Variants in STARD7 observed in about 807,000 individuals in gnomAD.
STARD7 encodes the protein stAR-related lipid transfer protein 7, mitochondrial.
In STARD7, 30 loss-of-function variants were observed where a neutral mutation model predicts 45.3. The observed-to-expected ratio is 0.66, with a 90% confidence interval of 0.50 to 0.90. The LOEUF is 0.90. Ranked by LOEUF, STARD7 falls within the 40% of genes least tolerant of loss-of-function variation. STARD7 has a pLI of 0.00. For missense variants in STARD7, 495 were observed against 491.3 expected (o/e 1.01, Z -0.07); for synonymous variants, 199 against 183.0 (o/e 1.09, Z -0.70).
At chr2:96,192,579 C>T in intron 5 of STARD7, 111 bp from the exon 6 acceptor site, 1 of 798,228 alleles carries the variant, frequency 1.3e-6, no homozygotes. Context: ...TTTTTAAATA[C>T]ACAAAACAAA....
At chr2:96,206,903 ATTCTT>A (rs947776745) in intron 1 of STARD7, among the ~76,000 whole-genome samples, 1 of 151,788 alleles carries the variant, frequency 6.6e-6, no homozygotes, top group African/African-American at 2.4e-5. Context: ...TTTTCTTCCT[ATTCTT>A]TTATTTCCCA....
intron 1 of STARD7, among the ~76,000 whole-genome samples, chr2:96,204,486 C>A (rs559763515): frequency 1.3e-5 from 2 of 151,388 alleles, no homozygotes; most frequent in African/African-American, 2.4e-5. Flanking sequence ...ACCTGGGAGG[C>A]GGAGGTTGCA....
Position 96,199,438 on chromosome 2 carries a change from A to T in STARD7, c.291-3889T>A, listed in dbSNP as rs1265184629. Among the ~76,000 whole-genome samples the T allele has an allele frequency of 3.3e-5, 5 of 152,352 alleles. No individual in the cohort carries two copies. In the East Asian group the frequency reaches 9.6e-4, roughly 29 times the overall value. ...GTATTTATTCCTTTTATGCTACTGT[A>T]AATGAAATTGTTAATTTTATTTTCA... On this transcript the variant is annotated intron_variant, in intron 1 of 7. Transcript: ENST00000337288.
At chr2:96,187,370 T>C (rs977089541) in intron 6 of STARD7, 69 bp from the exon 7 acceptor site, 32 of 946,844 alleles carry the variant, frequency 3.4e-5, no homozygotes, top group Middle Eastern at 2.1e-4. Flanking sequence ...TCCAGTACCA[T>C]AGAATAACTA....
Position 96,186,825 on chromosome 2 carries a change from G to A in STARD7, c.1018C>T (p.Pro340Ser). 1 of 1,613,966 alleles carries A rather than the reference G, an allele frequency of 6.2e-7. No homozygotes were observed. The highest frequency in any genetic ancestry group is 8.5e-7 in the Non-Finnish European group (1 of 1,179,854). Residue 340 changes from proline to serine, a missense_variant, in exon 8 of 8, where the codon CCT becomes TCT. This residue lies in a region of STARD7 where 213 missense variants were observed against 271.2 expected (regional missense o/e 0.79). Coordinates refer to ENST00000337288, the MANE Select transcript of STARD7 (RefSeq NM_020151.4). The part of the protein sequence containing the change: ...IKVKDYISAK[P>S]LEMSSEAKAT... ...TTGGCTTCACTACTCATTTCCAGAGGCTTAGCTGAGATGTAGTCCTTTACT... is the reference window on the plus strand; with the variant it reads ...TTGGCTTCACTACTCATTTCCAGAGACTTAGCTGAGATGTAGTCCTTTACT...
chr2:96,185,589 AC>A lies in STARD7; in HGVS notation c.*1140del, dbSNP rs1683023016. ...TTTGGCTCTGAAGAGAGGAAGAAAA[AC>A]TTTTTAGAGGAACTTAATGGTAACA... On this transcript the variant is annotated 3_prime_UTR_variant, in exon 8 of 8. Coordinates refer to ENST00000337288, the MANE Select transcript of STARD7 (RefSeq NM_020151.4). 2 of 152,282 alleles carry A rather than the reference AC, an allele frequency of 1.3e-5. No homozygotes were observed. The highest frequency in any genetic ancestry group is 1.3e-4 in the Admixed American group (2 of 15,296). 9.4% of individuals were successfully genotyped at this position (152,282 alleles called of 1,614,324 possible). A position where few individuals can be genotyped will look rare whatever the true frequency, so the allele number is the denominator to read the frequency against.
At chr2:96,187,158 T>G in intron 7 of STARD7, 59 bp downstream of exon 7, 1 of 1,266,214 alleles carries the variant, frequency 7.9e-7, no homozygotes, top group Non-Finnish European at 1.1e-6. Context: ...CATTAGGAAA[T>G]AGAGAAAAAC....
At chr2:96,208,114 C>T (rs750360432) in intron 1 of STARD7, 31 bp downstream of exon 1, 1 of 1,503,398 alleles carries the variant, frequency 6.7e-7, no homozygotes, top group East Asian at 2.5e-5. Flanking sequence ...CCCCACCCCA[C>T]GGCCCAGAAA....
chr2:96,201,572 G>GT lies in STARD7; in HGVS notation c.291-6024dup, dbSNP rs144991518. ...CACTGCACTCCAGCCTGGCAACAGA[G>GT]TAAGACTCTTAAAAAAAAAAAAAAA... On this transcript the variant is annotated intron_variant, in intron 1 of 7. Coordinates refer to ENST00000337288, the MANE Select transcript of STARD7 (RefSeq NM_020151.4). 6.6e-3 allele frequency among the ~76,000 whole-genome samples: 975 copies of GT among 148,574 alleles called. 13 individuals are homozygous for GT. Among genetic ancestry groups the GT allele is most frequent in the African/African-American group, 0.023 (926 of 40,314 alleles).
intron 1 of STARD7, among the ~76,000 whole-genome samples, chr2:96,197,084 A>ATAACATAAC (rs1558735823): frequency 2.2e-5 from 3 of 138,396 alleles, no homozygotes; most frequent in East Asian, 4.4e-4. Context: ...AATAAAATAA[A>ATAACATAAC]ATAAAATAAA....
At chr2:96,195,573 G>A (rs1390858207) in intron 1 of STARD7, 24 bp from the exon 2 acceptor site, 12 of 1,586,770 alleles carry the variant, frequency 7.6e-6, no homozygotes, top group Non-Finnish European at 1.0e-5. Flanking sequence ...AAAGAGCCAT[G>A]GTGAGGTGGT....
intron 1 of STARD7, among the ~76,000 whole-genome samples, chr2:96,205,413 C>G (rs1683373042): frequency 6.6e-6 from 1 of 152,214 alleles, no homozygotes; most frequent in Non-Finnish European, 1.5e-5. Context: ...ACCCGCTTAA[C>G]CAAAACAGCT....
rs759275696 is a variant in STARD7 at position 96,186,737 on chromosome 2, T to C, written c.1106A>G (p.Tyr369Cys). 2 of 1,609,172 alleles carry C rather than the reference T, an allele frequency of 1.2e-6. No homozygotes were observed. Among genetic ancestry groups the C allele is most frequent in the Admixed American group, 3.4e-5 (2 of 59,358 alleles). The change falls in exon 8 of 8, where the codon TAT (tyrosine) becomes TGT (cysteine). Residue 369 changes from tyrosine (Y) to cysteine (C), a missense_variant. Coordinates refer to ENST00000337288, the MANE Select transcript of STARD7 (RefSeq NM_020151.4). ...EGSCGPARIE[Y>C]A ...TTCTTATCCCAAAGCCTGTCAAGCA[T>C]ACTCAATCCGAGCAGGGCCACAGCT...
intron 6 of STARD7, among the ~76,000 whole-genome samples, chr2:96,191,221 T>C (rs1683121038): frequency 6.6e-6 from 1 of 152,114 alleles, no homozygotes; most frequent in Admixed American, 6.6e-5. Flanking sequence ...ATAGAAGAAC[T>C]GGGTTCTCCT....
At chr2:96,204,056 C>T (rs1332372703) in intron 1 of STARD7, among the ~76,000 whole-genome samples, 1 of 151,036 alleles carries the variant, frequency 6.6e-6, no homozygotes, top group East Asian at 2.0e-4. Context: ...AGCAGGAGTT[C>T]GAGACCAGCC....
chr2:96,189,660 C>T (rs953153134), intron 6 of STARD7, among the ~76,000 whole-genome samples: 1 of 150,342 alleles, frequency 6.7e-6, no homozygotes, highest in African/African-American at 2.4e-5. Context: ...GAGCCAAGAT[C>T]GCACCACTGC....
At chr2:96,201,844 A>G (rs1256695066) in intron 1 of STARD7, among the ~76,000 whole-genome samples, 1 of 152,202 alleles carries the variant, frequency 6.6e-6, no homozygotes, top group African/African-American at 2.4e-5. Flanking sequence ...CCAAAAATTC[A>G]AAGGTATAGT....
At chr2:96,197,585 A>C (rs1420604540) in intron 1 of STARD7, among the ~76,000 whole-genome samples, 1 of 152,172 alleles carries the variant, frequency 6.6e-6, no homozygotes, top group Non-Finnish European at 1.5e-5. Flanking sequence ...TTAAATTGAT[A>C]AATTCACATA....
intron 3 of STARD7, 78 bp downstream of exon 3, chr2:96,194,880 G>A: frequency 8.1e-7 from 1 of 1,227,870 alleles, no homozygotes; most frequent in South Asian, 1.3e-5. Flanking sequence ...TGTCACCTGA[G>A]TCAGATAAAT....
Sources: allele counts gnomAD v4.1 joint callset (sites outside exome capture counted in the v4.1 genomes callset), GRCh38; gene constraint gnomAD v4.1.1; regional missense constraint gnomAD v4.1.1; transcripts MANE v1.5; gene names NCBI Gene and HGNC (gene_info 2026-07-23, HGNC 2026-07-21).